Variants in ARHGEF4 observed in about 807,000 individuals in gnomAD.
ARHGEF4 encodes the protein APC-stimulated guanine nucleotide exchange factor 1.
A neutral mutation model predicts 162.0 loss-of-function variants in ARHGEF4; 119 were observed. The observed-to-expected ratio is 0.73, with a 90% confidence interval of 0.63 to 0.86. The LOEUF (loss-of-function observed/expected upper bound fraction) is 0.86. Among genes scored for constraint, ARHGEF4 ranks in the 40% least tolerant of loss-of-function variants. The pLI is 0.00. For missense variants in ARHGEF4, 2,488 were observed against 2,456.0 expected, an observed-to-expected ratio of 1.01 and a Z score of -0.28; for synonymous variants, 1,014 against 979.9, an observed-to-expected ratio of 1.03 and a Z score of -0.65.
At chr2:130,885,027 T>G (rs150163140) in intron 1 of ARHGEF4, among the ~76,000 whole-genome samples, 1 of 152,166 alleles carries the variant, frequency 6.6e-6, no homozygotes, top group Non-Finnish European at 1.5e-5. Flanking sequence ...CATTCAAGTT[T>G]ATGATGCCAT....
chr2:130,899,331 A>G (rs1226245569), intron 1 of ARHGEF4, among the ~76,000 whole-genome samples: 2 of 152,222 alleles, frequency 1.3e-5, no homozygotes, highest in East Asian at 1.9e-4. Context: ...ATCACAGGCA[A>G]TTATAACCCA....
chr2:130,925,051 T>A (rs1682154621), intron 2 of ARHGEF4, among the ~76,000 whole-genome samples: 1 of 146,512 alleles, frequency 6.8e-6, no homozygotes, highest in African/African-American at 2.6e-5. Flanking sequence ...TGTGTGTGTG[T>A]GTGTGTGTGT....
intron 4 of ARHGEF4, among the ~76,000 whole-genome samples, chr2:130,961,409 C>T (rs1366747559): frequency 6.6e-6 from 1 of 152,122 alleles, no homozygotes; most frequent in Non-Finnish European, 1.5e-5. Context: ...AAGAGCATCC[C>T]AGGTGAAAGG....
intron 3 of ARHGEF4, among the ~76,000 whole-genome samples, chr2:130,933,264 G>T (rs906737024): frequency 2.0e-5 from 3 of 150,458 alleles, no homozygotes; most frequent in African/African-American, 4.9e-5. Flanking sequence ...GTGTATTTTT[G>T]ACTCTCAATT....
chr2:130,988,937 A>AGAG (rs1553437079), intron 4 of ARHGEF4, among the ~76,000 whole-genome samples: 39 of 104,526 alleles, frequency 3.7e-4, no homozygotes, highest in African/African-American at 1.2e-3. Flanking sequence ...GAGAGAGAGA[A>AGAG]AGATTCCAAA....
intron 6 of ARHGEF4, chr2:131,039,711 C>T: frequency 7.8e-7 from 1 of 1,288,090 alleles, no homozygotes; most frequent in Non-Finnish European, 9.8e-7. Flanking sequence ...CTGGCAGGAG[C>T]AGGCACTGGT....
intron 3 of ARHGEF4, among the ~76,000 whole-genome samples, chr2:130,942,602 G>A (rs1158945346): frequency 6.6e-6 from 1 of 152,170 alleles, no homozygotes; most frequent in Non-Finnish European, 1.5e-5. Context: ...TAGAACAGCA[G>A]GAATAATAAC....
chr2:131,027,855 C>G, intron 4 of ARHGEF4, 90 bp from the exon 5 acceptor site: 1 of 1,505,486 alleles, frequency 6.6e-7, no homozygotes, highest in Non-Finnish European at 9.1e-7. Context: ...AAGCATTTGT[C>G]CTGAACCCAC....
chr2:130,917,597 A>G, intron 2 of ARHGEF4, 99 bp downstream of exon 2: 1 of 1,433,044 alleles, frequency 7.0e-7, no homozygotes, highest in Non-Finnish European at 9.2e-7. Flanking sequence ...TAAAATAGGA[A>G]GGCCAGGCCA....
At chr2:130,953,437 T>G (rs997313370) in intron 4 of ARHGEF4, among the ~76,000 whole-genome samples, 1 of 152,182 alleles carries the variant, frequency 6.6e-6, no homozygotes, top group Non-Finnish European at 1.5e-5. Context: ...ATGTTAGACC[T>G]AAAATCGTAA....
At chr2:131,036,372 C>T (rs1486446129) in intron 5 of ARHGEF4, among the ~76,000 whole-genome samples, 1 of 152,230 alleles carries the variant, frequency 6.6e-6, no homozygotes, top group African/African-American at 2.4e-5. Context: ...GTGGGAGACA[C>T]AGGAGGAGAG....
At chr2:130,847,633 C>T (rs1196754463) in intron 1 of ARHGEF4, among the ~76,000 whole-genome samples, 2 of 152,216 alleles carry the variant, frequency 1.3e-5, no homozygotes, top group African/African-American at 4.8e-5. Context: ...CAACGCTTGG[C>T]TCCGAGGGCC....
chr2:130,940,175 G>T (rs1455634251), intron 3 of ARHGEF4, among the ~76,000 whole-genome samples: 3 of 152,046 alleles, frequency 2.0e-5, no homozygotes, highest in African/African-American at 7.2e-5. Context: ...CAGGTACTAA[G>T]ATTTGTATAG....
intron 4 of ARHGEF4, among the ~76,000 whole-genome samples, chr2:131,022,234 A>G (rs1418646847): frequency 6.6e-6 from 1 of 152,132 alleles, no homozygotes; most frequent in Non-Finnish European, 1.5e-5. Context: ...TGTTGATTAT[A>G]CTTTAAATAT....
chr2:131,027,689 T>C (rs572179561), intron 4 of ARHGEF4, among the ~76,000 whole-genome samples: 106 of 152,330 alleles, frequency 7.0e-4, no homozygotes, highest in African/African-American at 2.3e-3. Context: ...TGAATACTTA[T>C]GTTTCCTTGT....
At chr2:130,989,142 G>A (rs1686770055) in intron 4 of ARHGEF4, among the ~76,000 whole-genome samples, 1 of 151,844 alleles carries the variant, frequency 6.6e-6, no homozygotes, top group Non-Finnish European at 1.5e-5. Context: ...TGTATTTTTG[G>A]TAGAGATGGG....
chr2:131,042,764 C>T (rs1690915077), intron 10 of ARHGEF4, among the ~76,000 whole-genome samples: 2 of 152,214 alleles, frequency 1.3e-5, no homozygotes, highest in South Asian at 4.1e-4. Flanking sequence ...CCCAAACAGG[C>T]CACCGCCAAC....
At position 130,886,755 on chromosome 2, in the gene ARHGEF4, GA is replaced by G. The variant is rs1013555564; in HGVS notation, c.40-27223del. ...ATTTGCTAACGAAGTTTCCTTTGGGGAAAAAAAATTAGTAATAATTCAATTC... is the reference window on the plus strand; with the variant it reads ...ATTTGCTAACGAAGTTTCCTTTGGGGAAAAAAATTAGTAATAATTCAATTC... On this transcript the variant is annotated intron_variant, in intron 1 of 13. Transcript: ENST00000409359. Among the ~76,000 whole-genome samples the G allele has an allele frequency of 9.2e-5, 14 of 151,470 alleles. No homozygotes were observed. The East Asian group carries it at 1.7e-3, about 19-fold the overall frequency.
chr2:130,869,915 G>C (rs555487045), intron 1 of ARHGEF4, among the ~76,000 whole-genome samples: 1 of 152,318 alleles, frequency 6.6e-6, no homozygotes, highest in South Asian at 2.1e-4. Flanking sequence ...TGCACACATG[G>C]GGTGCTGAAC....
Sources: gnomAD v4.1 joint callset for allele counts (sites outside exome capture counted in the v4.1 genomes callset) on GRCh38, gnomAD v4.1.1 for gene constraint, MANE v1.5 for transcripts, NCBI Gene and HGNC (gene_info 2026-07-23, HGNC 2026-07-21) for gene names.